Variants in DGKB observed in about 807,000 individuals in gnomAD.
The protein encoded by DGKB is 90 kDa diacylglycerol kinase.
DGKB carries 67 observed loss-of-function variants against 114.3 expected under a neutral mutation model. That is an observed-to-expected ratio of 0.59 (90% CI 0.48 to 0.72). The LOEUF (loss-of-function observed/expected upper bound fraction) is 0.72, where lower values mean the gene tolerates loss of function less well. Ranked by LOEUF, DGKB falls within the 30% of genes least tolerant of loss-of-function variation. The pLI is 0.00. For missense variants in DGKB, 907 were observed against 975.2 expected, an observed-to-expected ratio of 0.93 and a Z score of 0.93; for synonymous variants, 398 against 323.1, an observed-to-expected ratio of 1.23 and a Z score of -2.49.
chr7:14,848,679 T>C (rs1419030535), intron 1 of DGKB, among the ~76,000 whole-genome samples: 1 of 152,204 alleles, frequency 6.6e-6, no homozygotes, highest in Non-Finnish European at 1.5e-5. Flanking sequence ...CTTCTTCTTG[T>C]CTTCAGAAGT....
intron 25 of DGKB, among the ~76,000 whole-genome samples, chr7:14,171,432 T>C (rs183156570): frequency 2.3e-4 from 35 of 152,340 alleles, no homozygotes; most frequent in African/African-American, 5.3e-4. Context: ...GCACTACTTT[T>C]CATAAATGTG....
intron 21 of DGKB, among the ~76,000 whole-genome samples, chr7:14,376,439 A>C (rs1334373875): frequency 6.6e-6 from 1 of 152,222 alleles, no homozygotes; most frequent in Admixed American, 6.5e-5. Flanking sequence ...TCACAAAAAT[A>C]ACCTTACATC....
intron 23 of DGKB, among the ~76,000 whole-genome samples, chr7:14,277,848 A>ATTTT (rs1409164296): frequency 6.6e-6 from 1 of 152,044 alleles, no homozygotes; most frequent in Non-Finnish European, 1.5e-5. Flanking sequence ...TCTCTATACC[A>ATTTT]TTTTTCCATA....
At chr7:14,773,425 T>C (rs939735289) in intron 2 of DGKB, among the ~76,000 whole-genome samples, 3 of 152,116 alleles carry the variant, frequency 2.0e-5, no homozygotes, top group Non-Finnish European at 2.9e-5. Flanking sequence ...TAATGAAGGA[T>C]ATATGCATTA....
At chr7:14,783,466 G>A (rs1184473437) in intron 2 of DGKB, among the ~76,000 whole-genome samples, 2 of 152,166 alleles carry the variant, frequency 1.3e-5, no homozygotes, top group Non-Finnish European at 2.9e-5. Context: ...CCTTCCCACT[G>A]CAACTTGCCC....
chr7:14,674,189 C>T (rs1180018337), intron 12 of DGKB, among the ~76,000 whole-genome samples: 2 of 152,120 alleles, frequency 1.3e-5, no homozygotes, highest in African/African-American at 2.4e-5. Flanking sequence ...GGTTACATTA[C>T]ATGAAATAAA....
Position 14,178,190 on chromosome 7 carries a change from T to C in DGKB, c.2123-39A>G, listed in dbSNP as rs181565793. 32 of 1,604,112 alleles carry C rather than the reference T, an allele frequency of 2.0e-5. No homozygotes were observed. In the African/African-American group the frequency reaches 4.2e-4, roughly 21 times the overall value. On this transcript the variant is annotated intron_variant, in intron 23 of 25. Coordinates refer to ENST00000402815, the MANE Select transcript of DGKB (RefSeq NM_001350709.2). The stretch of plus-strand genomic sequence containing the variant: ...GATGCCTTTTAAGTTGCAATGTGTA[T>C]ACATATGTCCACAATTTAATGCCAT...
At chr7:14,286,072 T>A (rs908731932) in intron 23 of DGKB, among the ~76,000 whole-genome samples, 4 of 152,234 alleles carry the variant, frequency 2.6e-5, no homozygotes, top group Middle Eastern at 3.4e-3. Flanking sequence ...CTCACAAAGT[T>A]TGCAATGTCA....
intron 23 of DGKB, among the ~76,000 whole-genome samples, chr7:14,303,775 G>C (rs1164594552): frequency 1.3e-5 from 2 of 152,074 alleles, no homozygotes; most frequent in African/African-American, 4.8e-5. Context: ...CTCTTTAGTT[G>C]TGAACAGTGA....
intron 6 of DGKB, among the ~76,000 whole-genome samples, chr7:14,704,590 C>CAGTG (rs1370945307): frequency 1.3e-5 from 2 of 151,900 alleles, no homozygotes; most frequent in African/African-American, 4.8e-5. Flanking sequence ...TTGAAGGGAG[C>CAGTG]AGTGGTTCTC....
intron 15 of DGKB, among the ~76,000 whole-genome samples, chr7:14,616,346 G>T (rs1176066367): frequency 6.6e-6 from 1 of 151,094 alleles, no homozygotes; most frequent in Non-Finnish European, 1.5e-5. Context: ...GGGATATGAG[G>T]TACCAATGTA....
intron 20 of DGKB, among the ~76,000 whole-genome samples, chr7:14,532,601 T>C (rs1326985063): frequency 6.6e-6 from 1 of 151,418 alleles, no homozygotes; most frequent in East Asian, 1.9e-4. Context: ...TAATAATAAA[T>C]GTATATACAT....
intron 20 of DGKB, among the ~76,000 whole-genome samples, chr7:14,510,986 G>A (rs532742688): frequency 4.6e-5 from 7 of 152,196 alleles, no homozygotes; most frequent in South Asian, 2.1e-4. Context: ...GTAAACAAAC[G>A]TGCTTCTATT....
chr7:14,897,895 A>G (rs1037512376), intron 1 of DGKB, among the ~76,000 whole-genome samples: 3 of 152,004 alleles, frequency 2.0e-5, no homozygotes, highest in African/African-American at 4.8e-5. Context: ...ATAGAATTAG[A>G]GCCTGTAATA....
intron 23 of DGKB, among the ~76,000 whole-genome samples, chr7:14,241,392 A>G (rs933859161): frequency 7.2e-5 from 11 of 152,126 alleles, no homozygotes; most frequent in African/African-American, 2.7e-4. Flanking sequence ...AGGGTTAAAC[A>G]TAAATCCTAA....
intron 23 of DGKB, among the ~76,000 whole-genome samples, chr7:14,181,409 T>C (rs1223518204): frequency 1.3e-5 from 2 of 152,216 alleles, no homozygotes; most frequent in African/African-American, 2.4e-5. Flanking sequence ...TATGTAACCA[T>C]GCATAGAACA....
At chr7:14,453,333 G>T (rs1001874695) in intron 21 of DGKB, among the ~76,000 whole-genome samples, 1 of 151,986 alleles carries the variant, frequency 6.6e-6, no homozygotes, top group African/African-American at 2.4e-5. Context: ...CGTGGTTCTG[G>T]TAGATATTGC....
chr7:14,251,783 CTTTCT>C (rs1314885534), intron 23 of DGKB, among the ~76,000 whole-genome samples: 2 of 152,066 alleles, frequency 1.3e-5, no homozygotes, highest in African/African-American at 2.4e-5. Flanking sequence ...AGTTGGTCTG[CTTTCT>C]TTTATCTTTT....
chr7:14,627,725 C>T (rs1325632972), intron 14 of DGKB, among the ~76,000 whole-genome samples: 2 of 151,722 alleles, frequency 1.3e-5, no homozygotes, highest in African/African-American at 2.4e-5. Context: ...GGGCAGATCA[C>T]GAGGTCAGGA....
Sources: gnomAD v4.1 joint callset for allele counts (sites outside exome capture counted in the v4.1 genomes callset) on GRCh38, gnomAD v4.1.1 for gene constraint, MANE v1.5 for transcripts, NCBI Gene and HGNC (gene_info 2026-07-23, HGNC 2026-07-21) for gene names.